The following MESD variants were observed in gnomAD, a reference collection of about 807,000 sequenced individuals.
MESD encodes LRP chaperone MESD.
Under a neutral mutation model 12.9 loss-of-function variants are expected in MESD, and 7 were observed. The observed-to-expected ratio is 0.54, with a 90% CI of 0.31 to 1.02. The LOEUF (loss-of-function observed/expected upper bound fraction) is 1.02, where lower values mean the gene tolerates loss of function less well. Among genes scored for constraint, MESD ranks in the 50% least tolerant of loss-of-function variants. The probability of loss-of-function intolerance (pLI) is 0.05; values close to 1 mark genes in which losing one functional copy is unlikely to be tolerated. For missense variants in MESD, 342 were observed against 296.7 expected, an observed-to-expected ratio of 1.15 and a Z score of -1.12; for synonymous variants, 126 against 115.6, an observed-to-expected ratio of 1.09 and a Z score of -0.58.
intron 3 of MESD, chr15:80,953,015 T>C (rs1313959329): frequency 6.6e-6 from 3 of 455,474 alleles, no homozygotes; most frequent in Non-Finnish European, 1.3e-5. Context: ...GGTCAGTGAG[T>C]GGAAGTAGGA....
At position 80,979,570 on chromosome 15, in the gene MESD, A is replaced by C. The variant is rs748647115; in HGVS notation, c.447-93T>G. 2.1e-5 allele frequency: 30 copies of C among 1,402,104 alleles called. 1 individual carries two copies. The highest frequency in any genetic ancestry group is 2.8e-5 in the Non-Finnish European group (29 of 1,038,528). The allele number at this position is 1,402,104 out of a possible 1,614,324, so 86.9% of individuals were successfully genotyped here. A position where few individuals can be genotyped will look rare whatever the true frequency, so the allele number is the denominator to read the frequency against. Reference sequence around the variant, plus strand: ...CTCTGGCACTTATCAGTTTATTTCAAATTCTACATGAATATGGAATGAAAA... The same window carrying C: ...CTCTGGCACTTATCAGTTTATTTCACATTCTACATGAATATGGAATGAAAA... On this transcript the variant is annotated intron_variant, in intron 2 of 2. Transcript: ENST00000261758.
At position 80,952,586 on chromosome 15, in the gene MESD, C is replaced by T. The variant is rs993296697; in HGVS notation, c.*289-290G>A. 3.9e-5 allele frequency among the ~76,000 whole-genome samples: 6 copies of T among 151,910 alleles called. No homozygotes were observed. The East Asian group carries it at 1.2e-3, about 29-fold the overall frequency. The stretch of plus-strand genomic sequence containing the variant: ...TTCCAAAGAGCTCCTGGGTCTTATG[C>T]ATTGGGTTTAAAAACAAAACAACTA... On this transcript the variant is annotated intron_variant, in intron 3 of 4. Transcript: ENST00000561312.
At chr15:80,971,743 C>G (rs1902293036), downstream of MESD, among the ~76,000 whole-genome samples, 1 of 152,104 alleles carries the variant, frequency 6.6e-6, no homozygotes, top group African/African-American at 2.4e-5. Flanking sequence ...CCTCCCGCCT[C>G]AACCTCCTGA....
intron 1 of MESD, among the ~76,000 whole-genome samples, chr15:80,987,177 C>T (rs936006831): frequency 2.0e-5 from 3 of 152,298 alleles, no homozygotes; most frequent in Non-Finnish European, 4.4e-5. Flanking sequence ...CCTCTCCACA[C>T]CTCTGAGGCA....
chr15:80,946,938 T>C (rs1343223132), downstream of MESD: 1 of 1,509,666 alleles, frequency 6.6e-7, no homozygotes, highest in East Asian at 2.3e-5. Flanking sequence ...TCTCTCCCTC[T>C]GGTCTAATTG....
chr15:80,981,907 G>T (rs202028657), intron 2 of MESD, 43 bp downstream of exon 2: 1 of 1,293,780 alleles, frequency 7.7e-7, no homozygotes, highest in South Asian at 1.2e-5. Context: ...AGAAAAGACC[G>T]AGCACAGCCT....
intron 1 of MESD, among the ~76,000 whole-genome samples, chr15:80,982,947 TGCACACCTGTAGTCCCAGCTACAGTGAG>T (rs1041929918): frequency 2.6e-5 from 4 of 152,064 alleles, no homozygotes; most frequent in African/African-American, 4.8e-5. Context: ...GGTATGGCAA[TGCACACCTGTAGTCCCAGCTACAGTGAG>T]GCACACCTGT....
intron 1 of MESD, among the ~76,000 whole-genome samples, chr15:80,983,077 T>C (rs1358454734): frequency 6.6e-6 from 1 of 151,676 alleles, no homozygotes; most frequent in Non-Finnish European, 1.5e-5. Flanking sequence ...TCCCATCTCT[T>C]AAAAAAAATT....
intron 3 of MESD, among the ~76,000 whole-genome samples, chr15:80,968,606 A>G (rs564330902): frequency 1.6e-4 from 24 of 152,246 alleles, no homozygotes; most frequent in South Asian, 8.3e-4. Flanking sequence ...CAGGAGTTTA[A>G]GACCAGCCAA....
downstream of MESD, chr15:80,947,014 T>C (rs763200314): frequency 2.0e-5 from 33 of 1,614,008 alleles, no homozygotes; most frequent in Non-Finnish European, 2.8e-5. Flanking sequence ...CAGAGGCCCA[T>C]GGACCAGAGT....
At position 80,981,862 on chromosome 15, in the gene MESD, AT is replaced by A. The variant is rs1902588314; in HGVS notation, c.446+87del. ...AAGAGCAAAACTCTGTCTCAAAAAA[AT>A]CATCATCATCATCATAATTAATAAT... On this transcript the variant is annotated intron_variant, in intron 2 of 2. Transcript: ENST00000261758. The A allele has an allele frequency of 3.8e-5, 37 of 972,604 alleles. No homozygotes were observed. In the East Asian group the frequency reaches 9.8e-4, roughly 26 times the overall value. 60.2% of individuals were successfully genotyped at this position (972,604 alleles called of 1,614,324 possible).
At chr15:80,963,816 TG>T (rs1335309416) in intron 3 of MESD, among the ~76,000 whole-genome samples, 1 of 152,168 alleles carries the variant, frequency 6.6e-6, no homozygotes, top group East Asian at 1.9e-4. Context: ...ACTATATTGA[TG>T]GAACAGATCT....
chr15:80,988,333 T>C (rs1902790134), intron 1 of MESD, among the ~76,000 whole-genome samples: 2 of 152,350 alleles, frequency 1.3e-5, no homozygotes, highest in African/African-American at 2.4e-5. Flanking sequence ...TCCCCACTCA[T>C]CCATCCTGTT....
chr15:80,967,475 A>T (rs1902197284), intron 3 of MESD, among the ~76,000 whole-genome samples: 2 of 152,150 alleles, frequency 1.3e-5, no homozygotes, highest in African/African-American at 4.8e-5. Flanking sequence ...TGTAAATCCC[A>T]GGCCTGGCAG....
At chr15:80,963,985 A>C (rs1457878256) in intron 3 of MESD, among the ~76,000 whole-genome samples, 1 of 152,202 alleles carries the variant, frequency 6.6e-6, no homozygotes, top group Admixed American at 6.5e-5. Flanking sequence ...CAGGGCAATC[A>C]GGCAAGAAAA....
At position 80,955,616 on chromosome 15, in the gene MESD, C is replaced by CGTGTGTGTGTGTGTGT. The variant is rs536028552; in HGVS notation, c.*289-3336_*289-3321dup. On this transcript the variant is annotated intron_variant, in intron 3 of 4. Transcript: ENST00000561312. The stretch of plus-strand genomic sequence containing the variant: ...AAAGTTTGAGAAGTGTGTGTTTGTG[C>CGTGTGTGTGTGTGTGT]GTGTGTGTGTGTGTGTGTGTGTGAG... Among the ~76,000 whole-genome samples, 854 of 144,960 alleles carry CGTGTGTGTGTGTGTGT rather than the reference C, an allele frequency of 5.9e-3. 11 individuals carry two copies. The highest frequency in any genetic ancestry group is 0.013 in the African/African-American group (482 of 38,532).
intron 2 of MESD, among the ~76,000 whole-genome samples, chr15:80,981,624 G>A (rs1236382707): frequency 2.0e-5 from 3 of 152,084 alleles, no homozygotes; most frequent in African/African-American, 7.2e-5. Flanking sequence ...GGGAGGCTGA[G>A]GCGGGTGCAT....
chr15:80,956,322 G>A (rs972131237), intron 3 of MESD, among the ~76,000 whole-genome samples: 2 of 152,150 alleles, frequency 1.3e-5, no homozygotes, highest in Admixed American at 1.3e-4. Flanking sequence ...GCTAAGAATC[G>A]GAAGGCGTCC....
exon 4 of MESD, chr15:80,952,182 GT>G: frequency 2.2e-6 from 1 of 456,244 alleles, no homozygotes; most frequent in Non-Finnish European, 4.4e-6. Flanking sequence ...GGCCAAACAC[GT>G]TTGACAAGAG....
Sources: gnomAD v4.1 joint callset for allele counts (sites outside exome capture counted in the v4.1 genomes callset) on GRCh38, gnomAD v4.1.1 for gene constraint, MANE v1.5 for transcripts, NCBI Gene and HGNC (gene_info 2026-07-23, HGNC 2026-07-21) for gene names.